The following RORA variants were observed in gnomAD, a reference collection of about 807,000 sequenced individuals.
RORA encodes RAR related orphan receptor A, also known as nuclear receptor ROR-alpha.
In RORA, 7 loss-of-function variants were observed where a neutral mutation model predicts 69.5. The ratio of observed to expected loss-of-function variants is 0.10; its 90% CI spans 0.06 to 0.19. The LOEUF (loss-of-function observed/expected upper bound fraction) is 0.19, where lower values mean the gene tolerates loss of function less well. RORA is among the 10% of genes least tolerant of loss of function. The pLI, the probability that RORA is intolerant of heterozygous loss-of-function variation, is 1.00. For synonymous variants in RORA, 261 were observed against 240.8 expected, an observed-to-expected ratio of 1.08 and a Z score of -0.78; for missense variants, 457 against 663.0, an observed-to-expected ratio of 0.69 and a Z score of 3.41.
At chr15:61,079,219 T>C (rs1281631639) in intron 1 of RORA, among the ~76,000 whole-genome samples, 2 of 152,238 alleles carry the variant, frequency 1.3e-5, no homozygotes, top group South Asian at 2.1e-4. Flanking sequence ...TCAGAAATGA[T>C]GCCACCAATT....
At chr15:60,796,887 A>G (rs1344262261) in intron 1 of RORA, among the ~76,000 whole-genome samples, 1 of 151,972 alleles carries the variant, frequency 6.6e-6, no homozygotes, top group South Asian at 2.1e-4. Flanking sequence ...TACAGGCTAC[A>G]TCCTGGATGA....
At chr15:60,982,390 G>T (rs1894070411) in intron 1 of RORA, among the ~76,000 whole-genome samples, 1 of 152,164 alleles carries the variant, frequency 6.6e-6, no homozygotes, top group African/African-American at 2.4e-5. Flanking sequence ...TCATTCCCTA[G>T]ACTTTGCTTC....
At chr15:61,157,826 G>A (rs1204402081) in intron 1 of RORA, among the ~76,000 whole-genome samples, 1 of 152,188 alleles carries the variant, frequency 6.6e-6, no homozygotes, top group Non-Finnish European at 1.5e-5. Context: ...TGTGTTCATG[G>A]TGGAAGGAAT....
At chr15:60,791,768 G>A (rs184036994) in intron 1 of RORA, among the ~76,000 whole-genome samples, 2 of 152,316 alleles carry the variant, frequency 1.3e-5, no homozygotes, top group East Asian at 1.9e-4. Flanking sequence ...GCTGTCGACC[G>A]CAGGAACAAC....
intron 1 of RORA, among the ~76,000 whole-genome samples, chr15:60,841,893 ATGTGCCAAGCAG>A (rs1229620469): frequency 1.3e-5 from 2 of 152,188 alleles, no homozygotes; most frequent in Non-Finnish European, 2.9e-5. Context: ...AAATGAATCA[ATGTGCCAAGCAG>A]TGCCCTTGGG....
intron 1 of RORA, among the ~76,000 whole-genome samples, chr15:60,835,564 C>T (rs895771947): frequency 1.3e-5 from 2 of 152,158 alleles, no homozygotes; most frequent in Non-Finnish European, 2.9e-5. Context: ...CAACTCACTT[C>T]ACATCACAAA....
intron 1 of RORA, among the ~76,000 whole-genome samples, chr15:60,887,341 C>T (rs1161813837): frequency 6.6e-6 from 1 of 152,112 alleles, no homozygotes; most frequent in Non-Finnish European, 1.5e-5. Flanking sequence ...GTCATGCTGT[C>T]ATGGGGGGTG....
At chr15:60,963,616 C>A (rs148066902) in intron 1 of RORA, among the ~76,000 whole-genome samples, 1 of 152,340 alleles carries the variant, frequency 6.6e-6, no homozygotes, top group Non-Finnish European at 1.5e-5. Flanking sequence ...TCCTCTGCTC[C>A]TGTGCACCTG....
At chr15:61,190,615 T>G (rs893289) in intron 1 of RORA, among the ~76,000 whole-genome samples, 147,189 of 152,180 alleles carry the variant, frequency 0.97, 71,361 homozygotes, top group East Asian at 1. Flanking sequence ...ACAATGGGAG[T>G]CTAAGGGAGG....
At chr15:60,703,632 C>T (rs965910964) in intron 1 of RORA, among the ~76,000 whole-genome samples, 11 of 152,086 alleles carry the variant, frequency 7.2e-5, no homozygotes, top group South Asian at 2.1e-4. Flanking sequence ...TTCTTAATAG[C>T]GATTAAGTTG....
intron 8 of RORA, among the ~76,000 whole-genome samples, chr15:60,502,465 C>T (rs1228932509): frequency 6.6e-6 from 1 of 152,024 alleles, no homozygotes; most frequent in Non-Finnish European, 1.5e-5. Context: ...AATATATCAC[C>T]AGCAAATCTG....
At chr15:61,200,766 A>T (rs1373472132) in intron 1 of RORA, among the ~76,000 whole-genome samples, 1 of 152,184 alleles carries the variant, frequency 6.6e-6, no homozygotes, top group Non-Finnish European at 1.5e-5. Flanking sequence ...GAGTGAAAAA[A>T]GCTGTCAGTC....
chr15:61,220,832 TCA>T (rs2080088835), intron 1 of RORA, among the ~76,000 whole-genome samples: 1 of 152,180 alleles, frequency 6.6e-6, no homozygotes, highest in African/African-American at 2.4e-5. Context: ...AATTAGAAAG[TCA>T]CATTCCCAGC....
intron 7 of RORA, 84 bp downstream of exon 7, chr15:60,503,451 C>T: frequency 7.1e-7 from 1 of 1,415,770 alleles, no homozygotes; most frequent in Non-Finnish European, 9.8e-7. Flanking sequence ...CTGTTCCCGA[C>T]ACCTTCCTTA....
intron 1 of RORA, among the ~76,000 whole-genome samples, chr15:60,797,303 A>G (rs2140354185): frequency 6.6e-6 from 1 of 152,264 alleles, no homozygotes; most frequent in Non-Finnish European, 1.5e-5. Context: ...TAAAAAAAAG[A>G]TAGCCATACA....
intron 1 of RORA, among the ~76,000 whole-genome samples, chr15:61,003,941 C>G (rs35549885): frequency 6.6e-6 from 1 of 151,862 alleles, no homozygotes; most frequent in African/African-American, 2.4e-5. Context: ...TTCCCTGTCT[C>G]TCTCTCACAT....
chr15:61,052,935 C>G (rs147486986), intron 1 of RORA, among the ~76,000 whole-genome samples: 54 of 152,352 alleles, frequency 3.5e-4, no homozygotes, highest in African/African-American at 1.3e-3. Context: ...ACAGCTTTTC[C>G]TAATTCACTG....
intron 1 of RORA, among the ~76,000 whole-genome samples, chr15:60,986,730 T>C (rs964377301): frequency 1.3e-5 from 2 of 152,206 alleles, no homozygotes; most frequent in African/African-American, 4.8e-5. Flanking sequence ...GTTGTTGTCA[T>C]TGACCTGTGT....
At chr15:61,092,496 T>C (rs1281891769) in intron 1 of RORA, among the ~76,000 whole-genome samples, 5 of 152,162 alleles carry the variant, frequency 3.3e-5, no homozygotes, top group East Asian at 3.9e-4. Flanking sequence ...AAATCAGATA[T>C]GCTACTCTGG....
Sources: allele counts gnomAD v4.1 joint callset (sites outside exome capture counted in the v4.1 genomes callset), GRCh38; gene constraint gnomAD v4.1.1; transcripts MANE v1.5; gene names NCBI Gene and HGNC (gene_info 2026-07-23, HGNC 2026-07-21).